Variants in DNAAF6 observed in about 807,000 individuals in gnomAD.
DNAAF6 encodes PIH1 domain containing 3.
A neutral mutation model predicts 13.7 loss-of-function variants in DNAAF6; 3 were observed. The ratio of observed to expected loss-of-function variants is 0.22; its 90% CI spans 0.10 to 0.56. The LOEUF is 0.56. DNAAF6 is among the 20% of genes least tolerant of loss of function. The pLI is 0.92. For synonymous variants in DNAAF6, 54 were observed against 49.2 expected (o/e 1.10, Z -0.41); for missense variants, 130 against 151.0 (o/e 0.86, Z 0.73).
rs757631921 is a variant in DNAAF6 at position 107,212,951 on chromosome X, G to A, written c.76G>A (p.Val26Ile). Residue 26 changes from valine to isoleucine, a missense_variant, in exon 2 of 7, where the codon GTT (valine) becomes ATT (isoleucine). By Grantham distance (29) the Val-to-Ile change is conservative (BLOSUM62 3). Coordinates refer to ENST00000372453, the MANE Select transcript of DNAAF6 (RefSeq NM_173494.2). ...ATCTCAAAATGTAGACTTTGAGAGT[G>A]TTTCTTCAGTTACAGCTCTGGAAGC... The part of the protein sequence containing the change: ...MESQNVDFES[V>I]SSVTALEALS... The A allele has an allele frequency of 6.6e-6, 8 of 1,206,107 alleles. No homozygotes were observed. The East Asian group carries it at 2.4e-4, about 36-fold the overall frequency.
intron 1 of DNAAF6, among the ~76,000 whole-genome samples, chrX:107,209,993 A>T (rs748078283): frequency 4.5e-5 from 5 of 111,379 alleles, no homozygotes; most frequent in African/African-American, 6.5e-5. Flanking sequence ...GTGGGTCTGG[A>T]GCCAATCTGG....
At chrX:107,218,349 C>T (rs1349109249) in intron 3 of DNAAF6, among the ~76,000 whole-genome samples, 2 of 111,911 alleles carry the variant, frequency 1.8e-5, no homozygotes, top group African/African-American at 6.5e-5. Flanking sequence ...TTATGTCATG[C>T]TTGCATGGAA....
intron 5 of DNAAF6, among the ~76,000 whole-genome samples, chrX:107,226,065 A>G (rs1411275645): frequency 8.9e-6 from 1 of 112,060 alleles, no homozygotes; most frequent in Non-Finnish European, 1.9e-5. Context: ...ACTATCACCC[A>G]TGAGGCAGCT....
rs1357509526 is a variant in DNAAF6, at chrX:107,243,032, C to T, written c.516-137C>T. ...TGTGTTATTTAGGCATATTTTTGAT[C>T]CAATATTTACACTATCTAAATATTG... On this transcript the variant is annotated intron_variant, in intron 6 of 6. Coordinates refer to ENST00000372453, the MANE Select transcript of DNAAF6 (RefSeq NM_173494.2). 12 of 663,882 alleles carry T rather than the reference C, an allele frequency of 1.8e-5. No homozygotes were observed. In the Admixed American group the frequency reaches 2.5e-4, roughly 14 times the overall value. 54.7% of individuals were successfully genotyped at this position (663,882 alleles called of 1,213,427 possible).
chrX:107,231,450 A>G lies in DNAAF6; in HGVS notation c.430-7472A>G, dbSNP rs1461170468. On this transcript the variant is annotated intron_variant, in intron 5 of 6. Coordinates refer to ENST00000372453, the MANE Select transcript of DNAAF6 (RefSeq NM_173494.2). The stretch of plus-strand genomic sequence containing the variant: ...GATACTGATTTTTGGGGTATGTGTT[A>G]AGGATCTGTTCATCTATTCTGATTT... Among the ~76,000 whole-genome samples the G allele has an allele frequency of 2.7e-5, 3 of 112,090 alleles. No homozygotes were observed. In the East Asian group the frequency reaches 8.3e-4, roughly 31 times the overall value.
chrX:107,208,212 G>A (rs1927757131), intron 1 of DNAAF6, among the ~76,000 whole-genome samples: 1 of 110,582 alleles, frequency 9.0e-6, no homozygotes, highest in Admixed American at 9.6e-5. Context: ...TGGGCTACAC[G>A]GTGAAGCCCC....
At chrX:107,232,302 C>T (rs765166384) in intron 5 of DNAAF6, among the ~76,000 whole-genome samples, 33 of 109,903 alleles carry the variant, frequency 3.0e-4, no homozygotes, top group Non-Finnish European at 5.5e-4. Context: ...TTGTGGCTTT[C>T]CACAACTTAT....
In DNAAF6 at chrX:107,216,664, C is replaced by G. The variant is rs768112463; in HGVS notation, c.154-7C>G. 8.5e-7 allele frequency: 1 copy of G among 1,177,046 alleles called. No individual in the cohort carries two copies. Reference sequence around the variant, plus strand: ...TACAGAATATTGAACTTTTTCTCCTCCCTCAGACAAATGGTTTATCTACTA... The same window carrying G: ...TACAGAATATTGAACTTTTTCTCCTGCCTCAGACAAATGGTTTATCTACTA... On this transcript the variant is annotated splice_polypyrimidine_tract_variant and splice_region_variant and intron_variant, in intron 2 of 6. Transcript: ENST00000372453.
chrX:107,238,830 A>C, intron 5 of DNAAF6, 92 bp from the exon 6 acceptor site: 2 of 1,140,149 alleles, frequency 1.8e-6, no homozygotes, highest in Non-Finnish European at 2.3e-6. Flanking sequence ...GTTGACAATA[A>C]ATATTAGTCT....
At chrX:107,219,799 T>C (rs1928080027) in intron 4 of DNAAF6, among the ~76,000 whole-genome samples, 1 of 86,613 alleles carries the variant, frequency 1.2e-5, no homozygotes, top group African/African-American at 6.4e-5. Context: ...AACTATCCAG[T>C]ATTTTTTTTT....
chrX:107,237,229 C>T (rs1246406337), intron 5 of DNAAF6, among the ~76,000 whole-genome samples: 2 of 112,064 alleles, frequency 1.8e-5, no homozygotes, highest in African/African-American at 3.2e-5. Context: ...CTCAATTTGT[C>T]GCATTATTTA....
At chrX:107,217,322 A>G (rs546289202) in intron 3 of DNAAF6, among the ~76,000 whole-genome samples, 33 of 111,533 alleles carry the variant, frequency 3.0e-4, no homozygotes, top group African/African-American at 1.0e-3. Flanking sequence ...ACCTTCCTAT[A>G]TTCTAGCAAT....
chrX:107,237,309 T>C (rs1235814567), intron 5 of DNAAF6, among the ~76,000 whole-genome samples: 1 of 112,208 alleles, frequency 8.9e-6, no homozygotes. Context: ...TCACCAGATG[T>C]TCAATATTTC....
chrX:107,219,817 G>A (rs1416019983), intron 4 of DNAAF6, among the ~76,000 whole-genome samples: 1 of 93,294 alleles, frequency 1.1e-5, no homozygotes, highest in Non-Finnish European at 2.1e-5. Context: ...TTTTTTTTTA[G>A]ACAGAGTCTT....
intron 5 of DNAAF6, among the ~76,000 whole-genome samples, chrX:107,224,130 A>G (rs925751559): frequency 2.7e-5 from 3 of 111,835 alleles, no homozygotes; most frequent in African/African-American, 9.7e-5. Context: ...CTAAAACTCA[A>G]TAAGTATATA....
intron 5 of DNAAF6, among the ~76,000 whole-genome samples, chrX:107,230,126 G>A (rs946999515): frequency 4.5e-5 from 5 of 111,868 alleles, no homozygotes; most frequent in African/African-American, 1.3e-4. Context: ...TCACCCAGTT[G>A]CTCAAGCTAA....
At chrX:107,241,124 A>G (rs1251198152) in intron 6 of DNAAF6, among the ~76,000 whole-genome samples, 1 of 112,263 alleles carries the variant, frequency 8.9e-6, no homozygotes, top group Non-Finnish European at 1.9e-5. Flanking sequence ...AATTTTGTTA[A>G]TTATATAAGA....
intron 5 of DNAAF6, 79 bp from the exon 6 acceptor site, chrX:107,238,841 CTT>C: frequency 8.6e-7 from 1 of 1,158,587 alleles, no homozygotes; most frequent in Non-Finnish European, 1.2e-6. Flanking sequence ...ATATTAGTCT[CTT>C]TTCCCCATAT....
chrX:107,238,135 G>A (rs998687027), intron 5 of DNAAF6, among the ~76,000 whole-genome samples: 1 of 111,776 alleles, frequency 8.9e-6, no homozygotes, highest in African/African-American at 3.3e-5. Flanking sequence ...TCCTTTTTAT[G>A]GCTGAATAAT....
Sources: allele counts gnomAD v4.1 joint callset (sites outside exome capture counted in the v4.1 genomes callset), GRCh38; gene constraint gnomAD v4.1.1; transcripts MANE v1.5; gene names NCBI Gene and HGNC (gene_info 2026-07-23, HGNC 2026-07-21).